PCDH10: variants seen among roughly 807,000 people sequenced by gnomAD.
PCDH10 encodes protocadherin 10, also known as protocadherin-10.
In PCDH10, 15 loss-of-function variants were observed where a neutral mutation model predicts 74.4. That is an observed-to-expected ratio of 0.20 (90% CI 0.13 to 0.31). PCDH10 has a LOEUF of 0.31. PCDH10 is among the 10% of genes least tolerant of loss of function. The probability of loss-of-function intolerance (pLI) is 1.00; values close to 1 mark genes in which losing one functional copy is unlikely to be tolerated. For missense variants in PCDH10, 1,260 were observed against 1,390.2 expected (o/e 0.91, Z 1.49); for synonymous variants, 619 against 589.8 (o/e 1.05, Z -0.72).
At chr4:133,181,559 A>G (rs1376852470) in intron 4 of PCDH10, among the ~76,000 whole-genome samples, 1 of 152,064 alleles carries the variant, frequency 6.6e-6, no homozygotes, top group Non-Finnish European at 1.5e-5. Context: ...TTTATCTGAA[A>G]TTCAAAGATT....
chr4:133,152,457 C>A lies in PCDH10; in HGVS notation c.2317C>A (p.Arg773Ser), dbSNP rs1458636323. Reference sequence around the variant, plus strand: ...TGGCGGAGGTTCGACCTGCTGTGGCCGCCAAGCCCGGGCGCGCAAGAAGAA... The same window carrying A: ...TGGCGGAGGTTCGACCTGCTGTGGCAGCCAAGCCCGGGCGCGCAAGAAGAA... ...CGGGGSTCCGRQARARKKKLS... is the reference protein window; with the variant it reads ...CGGGGSTCCGSQARARKKKLS... Residue 773 changes from arginine to serine, a missense_variant, in exon 1 of 5, where the codon CGC becomes AGC. Coordinates refer to ENST00000264360, the MANE Select transcript of PCDH10 (RefSeq NM_032961.3). 1.7e-5 allele frequency: 27 copies of A among 1,613,986 alleles called. No homozygotes were observed. The highest frequency in any genetic ancestry group is 2.3e-5 in the Non-Finnish European group (27 of 1,180,032).
chr4:133,161,363 TAAC>T (rs1285946415), intron 3 of PCDH10, among the ~76,000 whole-genome samples: 2 of 152,132 alleles, frequency 1.3e-5, no homozygotes, highest in Non-Finnish European at 2.9e-5. Context: ...TTGCTATTCT[TAAC>T]TCCAAAATAC....
intron 4 of PCDH10, among the ~76,000 whole-genome samples, chr4:133,184,527 A>G (rs1261125367): frequency 1.2e-4 from 18 of 151,468 alleles, no homozygotes; most frequent in Non-Finnish European, 7.4e-5. Flanking sequence ...GTAGTCTGAG[A>G]CAGAAGAATC....
At chr4:133,198,130 G>A (rs1727830275), downstream of PCDH10, among the ~76,000 whole-genome samples, 3 of 152,098 alleles carry the variant, frequency 2.0e-5, no homozygotes, top group South Asian at 6.2e-4. Flanking sequence ...AAAATGCCTG[G>A]TTGGAAAGCA....
At chr4:133,154,740 A>C (rs550520057) in intron 2 of PCDH10, among the ~76,000 whole-genome samples, 177 bp from the exon 3 acceptor site, 1 of 152,340 alleles carries the variant, frequency 6.6e-6, no homozygotes, top group South Asian at 2.1e-4. Flanking sequence ...AATGACTGTT[A>C]ATCGATCATT....
chr4:133,175,263 T>G (rs1379394327), intron 4 of PCDH10, among the ~76,000 whole-genome samples: 3 of 152,088 alleles, frequency 2.0e-5, no homozygotes, highest in Non-Finnish European at 4.4e-5. Context: ...TTTAGTAGTA[T>G]TATTTATTGT....
chr4:133,158,383 C>A (rs897928056), intron 3 of PCDH10, among the ~76,000 whole-genome samples: 1 of 151,722 alleles, frequency 6.6e-6, no homozygotes, highest in Non-Finnish European at 1.5e-5. Flanking sequence ...TTTTTAATAC[C>A]TTGTGCCTTT....
At position 133,172,760 on chromosome 4, in the gene PCDH10, A is replaced by G. The variant is rs572998022; in HGVS notation, c.3103+9478A>G. Among the ~76,000 whole-genome samples, 19 of 152,144 alleles carry G rather than the reference A, an allele frequency of 1.2e-4. No homozygotes were observed. In the South Asian group the frequency reaches 3.9e-3, roughly 31 times the overall value. On this transcript the variant is annotated intron_variant, in intron 4 of 4. Coordinates refer to ENST00000264360, the MANE Select transcript of PCDH10 (RefSeq NM_032961.3). ...AGTTATTTCCTTGATAATATAGGGA[A>G]AACCATCTGCAGAGCCTAATAAATA... is the stretch of plus-strand genomic sequence containing the variant.
In PCDH10 at chr4:133,154,931, A is replaced by G; in HGVS notation, c.2705A>G (p.Glu902Gly). ...PRRVNSSAFQ[E>G]ADIVSSKDSG... ...TGTACTTCTAGTTCTGCATTCCAGG[A>G]AGCCGACATAGTAAGCTCTAAGGAC... The change falls in exon 3 of 5, where the codon GAA becomes GGA. Residue 902 changes from glutamate (E) to glycine (G), a missense_variant. By Grantham distance (98) the Glu-to-Gly change is moderately conservative. Around this residue, in one of 11 missense-constraint regions of PCDH10, gnomAD observed 587 missense variants for 616.9 expected, o/e 0.95. Coordinates refer to ENST00000264360, the MANE Select transcript of PCDH10 (RefSeq NM_032961.3). 2 of 1,610,818 alleles carry G rather than the reference A, an allele frequency of 1.2e-6. No homozygotes were observed. Among genetic ancestry groups the G allele is most frequent in the Non-Finnish European group, 1.7e-6 (2 of 1,177,136 alleles).
intron 4 of PCDH10, among the ~76,000 whole-genome samples, chr4:133,186,562 A>C (rs1170344420): frequency 2.6e-5 from 4 of 152,200 alleles, no homozygotes; most frequent in African/African-American, 9.6e-5. Flanking sequence ...CCTAAAATGC[A>C]TCAGCAAATA....
Position 133,150,446 on chromosome 4 carries a change from C to A in PCDH10, c.306C>A (p.Pro102=). ...ACCTGGAGGTCTTTCTGGAGAACCC[C>A]CTGGAGCTGTTCCAGGTGGAGATCG... ...VLHLEVFLEN[P]LELFQVEIEV... is the part of the protein sequence containing the mutation. Residue 102 remains proline (P), a synonymous_variant, in exon 1 of 5, where the codon CCC becomes CCA. Coordinates refer to ENST00000264360, the MANE Select transcript of PCDH10 (RefSeq NM_032961.3). 6 of 1,613,996 alleles carry A rather than the reference C, an allele frequency of 3.7e-6. No individual in the cohort carries two copies.
chr4:133,168,860 C>A (rs747764383), intron 4 of PCDH10, among the ~76,000 whole-genome samples: 2 of 151,570 alleles, frequency 1.3e-5, no homozygotes, highest in Non-Finnish European at 3.0e-5. Flanking sequence ...AAACTTTATT[C>A]TTTTCTTCTA....
chr4:133,158,383 CT>C (rs1215581081), intron 3 of PCDH10, among the ~76,000 whole-genome samples: 1 of 151,722 alleles, frequency 6.6e-6, no homozygotes, highest in Non-Finnish European at 1.5e-5. Flanking sequence ...TTTTTAATAC[CT>C]TGTGCCTTTA....
intron 4 of PCDH10, among the ~76,000 whole-genome samples, chr4:133,171,980 T>C (rs1160419051): frequency 6.6e-6 from 1 of 151,982 alleles, no homozygotes; most frequent in Non-Finnish European, 1.5e-5. Context: ...CAGAGGACAA[T>C]ATTATACAGA....
At chr4:133,165,772 G>A (rs981324378) in intron 4 of PCDH10, among the ~76,000 whole-genome samples, 1 of 151,546 alleles carries the variant, frequency 6.6e-6, no homozygotes, top group Non-Finnish European at 1.5e-5. Context: ...ATAATGACAA[G>A]GAAATGACGA....
At chr4:133,182,936 CT>C (rs1727446775) in intron 4 of PCDH10, among the ~76,000 whole-genome samples, 1 of 151,844 alleles carries the variant, frequency 6.6e-6, no homozygotes, top group African/African-American at 2.4e-5. Context: ...ATTGTCTTGG[CT>C]TTTTTTAAAC....
rs1727636810 is a variant in PCDH10 at position 133,190,429 on chromosome 4, A to C, written c.*269A>C. ...TGTGTGCCTGTTTACAGCACTATCTATCTTTCTCTCTCCAAATGTCACTGA... is the reference window on the plus strand; with the variant it reads ...TGTGTGCCTGTTTACAGCACTATCTCTCTTTCTCTCTCCAAATGTCACTGA... On this transcript the variant is annotated 3_prime_UTR_variant, in exon 5 of 5. Transcript: ENST00000264360. 6.6e-6 allele frequency: 3 copies of C among 451,970 alleles called. No homozygotes were observed. Among genetic ancestry groups the C allele is most frequent in the South Asian group, 5.0e-5 (1 of 20,146 alleles). 28.0% of individuals were successfully genotyped at this position (451,970 alleles called of 1,614,324 possible). A position where few individuals can be genotyped will look rare whatever the true frequency, so the allele number is the denominator to read the frequency against.
chr4:133,200,718 A>C (rs1411783849), intron 2 of PCDH10, among the ~76,000 whole-genome samples: 1 of 152,218 alleles, frequency 6.6e-6, no homozygotes, highest in Non-Finnish European at 1.5e-5. Context: ...AAGTCAACTC[A>C]TGGAAGAACC....
At chr4:133,185,182 A>G (rs1309520195) in intron 4 of PCDH10, among the ~76,000 whole-genome samples, 1 of 148,292 alleles carries the variant, frequency 6.7e-6, no homozygotes, top group East Asian at 1.9e-4. Flanking sequence ...ATAAATAAAT[A>G]TATAAATATA....
Sources: gnomAD v4.1 joint callset for allele counts (sites outside exome capture counted in the v4.1 genomes callset) on GRCh38, gnomAD v4.1.1 for gene constraint, gnomAD v4.1.1 regional missense constraint, MANE v1.5 for transcripts, NCBI Gene and HGNC (gene_info 2026-07-23, HGNC 2026-07-21) for gene names.